The following AKT3 variants were observed in gnomAD, a reference collection of about 807,000 sequenced individuals.
The protein encoded by AKT3 is AKT serine/threonine kinase 3, also known as RAC-gamma serine/threonine-protein kinase.
A neutral mutation model predicts 65.3 loss-of-function variants in AKT3; 15 were observed. The observed-to-expected ratio is 0.23, with a 90% CI of 0.15 to 0.35. The LOEUF (loss-of-function observed/expected upper bound fraction) is 0.35. AKT3 is among the 10% of genes least tolerant of loss of function. The probability of loss-of-function intolerance (pLI) is 1.00; values close to 1 mark genes in which losing one functional copy is unlikely to be tolerated. For synonymous variants in AKT3, 206 were observed against 183.8 expected (o/e 1.12, Z -0.98); for missense variants, 243 against 576.5 (o/e 0.42, Z 5.92).
At chr1:243,628,061 T>C (rs944279863) in intron 6 of AKT3, among the ~76,000 whole-genome samples, 1 of 152,182 alleles carries the variant, frequency 6.6e-6, no homozygotes, top group South Asian at 2.1e-4. Flanking sequence ...ACTGGGACCA[T>C]GGGCCAGACA....
chr1:243,581,325 G>C (rs1030612984), intron 8 of AKT3, among the ~76,000 whole-genome samples: 1 of 152,222 alleles, frequency 6.6e-6, no homozygotes, highest in African/African-American at 2.4e-5. Context: ...TGGCAACAAA[G>C]AGCTTCTGCC....
intron 4 of AKT3, among the ~76,000 whole-genome samples, chr1:243,648,087 G>A (rs865996164): frequency 2.0e-5 from 3 of 151,668 alleles, no homozygotes; most frequent in Admixed American, 6.6e-5. Context: ...GTGAAACCTC[G>A]TCTCTACAAA....
At chr1:243,658,393 C>A (rs1291505361) in intron 4 of AKT3, among the ~76,000 whole-genome samples, 1 of 151,966 alleles carries the variant, frequency 6.6e-6, no homozygotes, top group Admixed American at 6.6e-5. Flanking sequence ...CAAATCAAAA[C>A]CACGATGAAA....
intron 12 of AKT3, among the ~76,000 whole-genome samples, chr1:243,533,822 C>G (rs1671717966): frequency 6.6e-6 from 1 of 151,948 alleles, no homozygotes; most frequent in Admixed American, 6.6e-5. Flanking sequence ...AACCCCATCT[C>G]TACTAAAAAT....
At chr1:243,636,606 T>C (rs1168040312) in intron 6 of AKT3, among the ~76,000 whole-genome samples, 1 of 152,128 alleles carries the variant, frequency 6.6e-6, no homozygotes, top group Admixed American at 6.5e-5. Context: ...TGCAAGATAT[T>C]GAGCACATTC....
chr1:243,660,424 G>A (rs974123457), intron 4 of AKT3, among the ~76,000 whole-genome samples: 14 of 151,838 alleles, frequency 9.2e-5, no homozygotes, highest in African/African-American at 3.1e-4. Flanking sequence ...ATCAATAAAC[G>A]TAATCCAGCA....
At chr1:243,674,393 A>C (rs922377489) in intron 3 of AKT3, among the ~76,000 whole-genome samples, 9 of 151,926 alleles carry the variant, frequency 5.9e-5, no homozygotes, top group Non-Finnish European at 8.9e-5. Flanking sequence ...AATACTAGGT[A>C]CCTCTTGACA....
intron 6 of AKT3, among the ~76,000 whole-genome samples, chr1:243,619,443 A>AAGTATACATTGCTAACATATGGTTAC (rs1558658445): frequency 1.9e-4 from 20 of 105,026 alleles, no homozygotes; most frequent in South Asian, 2.7e-4. Context: ...GAACTATCTA[A>AAGTATACATTGCTAACATATGGTTAC]CACTAGGTCT....
intron 6 of AKT3, among the ~76,000 whole-genome samples, chr1:243,629,664 C>T (rs1471464663): frequency 6.6e-6 from 1 of 151,922 alleles, no homozygotes; most frequent in Non-Finnish European, 1.5e-5. Flanking sequence ...TGGTGGTGGG[C>T]ACCTGTAGTC....
intron 9 of AKT3, among the ~76,000 whole-genome samples, chr1:243,569,437 T>C (rs1178743027): frequency 6.6e-6 from 1 of 152,172 alleles, no homozygotes; most frequent in African/African-American, 2.4e-5. Context: ...CCAGTGACCA[T>C]CTAGTTAGAA....
intron 2 of AKT3, among the ~76,000 whole-genome samples, chr1:243,784,649 G>T (rs1486671993): frequency 6.6e-6 from 1 of 152,132 alleles, no homozygotes; most frequent in Non-Finnish European, 1.5e-5. Context: ...GGGTGATACT[G>T]CCAGGTCTCC....
At position 243,654,858 on chromosome 1, in the gene AKT3, T is replaced by C. The variant is rs552876058; in HGVS notation, c.285-8821A>G. Among the ~76,000 whole-genome samples, 11 of 152,284 alleles carry C rather than the reference T, an allele frequency of 7.2e-5. No individual in the cohort carries two copies. The East Asian group carries it at 7.7e-4, about 11-fold the overall frequency. Reference sequence around the variant, plus strand: ...GCAAACATTTTTTTCTCTGTCTACATTGGGGATTTTCCCACTATCTTTGTT... The same window carrying C: ...GCAAACATTTTTTTCTCTGTCTACACTGGGGATTTTCCCACTATCTTTGTT... On this transcript the variant is annotated intron_variant, in intron 4 of 13. Transcript: ENST00000673466.
chr1:243,545,580 T>A lies in AKT3; in HGVS notation c.1181A>T (p.Asp394Val). The change falls in exon 12 of 14, where the codon GAT (aspartate) becomes GTT (valine). Residue 394 changes from aspartate to valine, a missense_variant. Asp to Val is a radical substitution (Grantham distance 152). Coordinates refer to ENST00000673466, the MANE Select transcript of AKT3 (RefSeq NM_005465.7). ...DPNKRLGGGP[D>V]DAKEIMRHSF... ...GTGTCTCATAATTTCTTTTGCATCA[T>A]CTGGTCCTCCACCAAGGCTATGAGA... 1 of 1,612,304 alleles carries A rather than the reference T, an allele frequency of 6.2e-7. No homozygotes were observed. Among genetic ancestry groups the A allele is most frequent in the Non-Finnish European group, 8.5e-7 (1 of 1,178,662 alleles).
intron 8 of AKT3, among the ~76,000 whole-genome samples, chr1:243,594,566 A>C (rs1341965801): frequency 2.0e-5 from 3 of 152,200 alleles, no homozygotes; most frequent in African/African-American, 4.8e-5. Flanking sequence ...AAACAGACCC[A>C]TATGTGTGAC....
At chr1:243,627,024 A>C (rs886554713) in intron 6 of AKT3, among the ~76,000 whole-genome samples, 2 of 152,214 alleles carry the variant, frequency 1.3e-5, no homozygotes, top group African/African-American at 4.8e-5. Flanking sequence ...ACATGAATTA[A>C]TGACATGTTC....
chr1:243,519,240 G>A (rs1351957711), intron 12 of AKT3, among the ~76,000 whole-genome samples: 2 of 152,160 alleles, frequency 1.3e-5, no homozygotes, highest in African/African-American at 4.8e-5. Context: ...AATTCTGACT[G>A]AAAAATTTAA....
chr1:243,756,504 A>G (rs987274521), intron 2 of AKT3, among the ~76,000 whole-genome samples: 3 of 152,240 alleles, frequency 2.0e-5, no homozygotes, highest in Admixed American at 6.5e-5. Flanking sequence ...ATCAAAATAC[A>G]TAATACGAAA....
At chr1:243,725,046 A>C (rs1393502186) in intron 2 of AKT3, among the ~76,000 whole-genome samples, 1 of 151,816 alleles carries the variant, frequency 6.6e-6, no homozygotes, top group East Asian at 1.9e-4. Flanking sequence ...AGACCAAAAA[A>C]AAAAAAAAAT....
At position 243,538,849 on chromosome 1, in the gene AKT3, G is replaced by GA. The variant is rs1432414759; in HGVS notation, c.1251+6660dup. Reference sequence around the variant, plus strand: ...CATCTCTTAAAAAAAAAAAGAAAAAGAAAAAAAGATGAGGTAAATTCACCA... The same window carrying GA: ...CATCTCTTAAAAAAAAAAAGAAAAAGAAAAAAAAGATGAGGTAAATTCACCA... On this transcript the variant is annotated intron_variant, in intron 12 of 13. Coordinates refer to ENST00000673466, the MANE Select transcript of AKT3 (RefSeq NM_005465.7). Among the ~76,000 whole-genome samples the GA allele has an allele frequency of 3.3e-5, 5 of 149,674 alleles. No homozygotes were observed. The East Asian group carries it at 9.7e-4, about 29-fold the overall frequency.
Sources: allele counts gnomAD v4.1 joint callset (sites outside exome capture counted in the v4.1 genomes callset), GRCh38; gene constraint gnomAD v4.1.1; transcripts MANE v1.5; gene names NCBI Gene and HGNC (gene_info 2026-07-23, HGNC 2026-07-21).